The following PTPRK variants were observed in gnomAD, a reference collection of about 807,000 sequenced individuals.
The protein encoded by PTPRK is protein tyrosine phosphatase receptor type K, also known as receptor-type tyrosine-protein phosphatase kappa.
In PTPRK, 75 loss-of-function variants were observed where a neutral mutation model predicts 178.0. The observed-to-expected ratio is 0.42, with a 90% CI of 0.35 to 0.51. The LOEUF (loss-of-function observed/expected upper bound fraction) is 0.51, where lower values mean the gene tolerates loss of function less well. Among genes scored for constraint, PTPRK ranks in the 20% least tolerant of loss-of-function variants. PTPRK has a pLI of 0.02. For missense variants in PTPRK, 1,441 were observed against 1,797.8 expected (o/e 0.80, Z 3.59); for synonymous variants, 637 against 620.6 (o/e 1.03, Z -0.39).
At chr6:128,112,352 G>A (rs1790812294) in intron 7 of PTPRK, among the ~76,000 whole-genome samples, 1 of 152,030 alleles carries the variant, frequency 6.6e-6, no homozygotes, top group African/African-American at 2.4e-5. Context: ...GTTTCTTTAA[G>A]TGAATATTAT....
intron 3 of PTPRK, among the ~76,000 whole-genome samples, chr6:128,259,675 T>C (rs1817883288): frequency 6.6e-6 from 1 of 152,208 alleles, no homozygotes; most frequent in Admixed American, 6.5e-5. Flanking sequence ...ATTTCAAGTA[T>C]GTTTTAGAAG....
chr6:128,294,395 G>A (rs1823914576), intron 3 of PTPRK, among the ~76,000 whole-genome samples: 1 of 151,770 alleles, frequency 6.6e-6, no homozygotes, highest in East Asian at 1.9e-4. Context: ...TTTCTCCAGT[G>A]TACCCTGAAG....
chr6:128,389,194 G>C (rs574134928), intron 2 of PTPRK, among the ~76,000 whole-genome samples: 1 of 151,902 alleles, frequency 6.6e-6, no homozygotes. Context: ...AGGGAGTAGA[G>C]GTCTTTACAA....
At chr6:128,322,831 T>C (rs1410218935) in intron 2 of PTPRK, among the ~76,000 whole-genome samples, 1 of 152,100 alleles carries the variant, frequency 6.6e-6, no homozygotes, top group East Asian at 1.9e-4. Flanking sequence ...TGGAAAATCA[T>C]CATTTATACA....
chr6:128,263,192 A>C (rs1385205776), intron 3 of PTPRK, among the ~76,000 whole-genome samples: 1 of 152,176 alleles, frequency 6.6e-6, no homozygotes, highest in African/African-American at 2.4e-5. Context: ...ACTTCTGGAT[A>C]AATGCTTCAT....
intron 1 of PTPRK, among the ~76,000 whole-genome samples, chr6:128,505,664 G>C (rs1856234282): frequency 6.6e-6 from 1 of 152,132 alleles, no homozygotes; most frequent in Admixed American, 6.5e-5. Context: ...CATCTGGAGT[G>C]CACAAGTGTT....
chr6:128,498,006 C>G (rs1854977593), intron 1 of PTPRK, among the ~76,000 whole-genome samples: 1 of 151,964 alleles, frequency 6.6e-6, no homozygotes, highest in South Asian at 2.1e-4. Flanking sequence ...GATTTAGATA[C>G]TTTTCTATTA....
intron 29 of PTPRK, 117 bp from the exon 30 acceptor site, chr6:127,970,397 T>G: frequency 2.9e-6 from 2 of 686,446 alleles, no homozygotes; most frequent in Admixed American, 6.0e-5. Context: ...TACAATTTAT[T>G]TTTTCTATAT....
intron 1 of PTPRK, among the ~76,000 whole-genome samples, chr6:128,446,273 T>A (rs532983091): frequency 1.7e-3 from 258 of 152,302 alleles, no homozygotes; most frequent in Non-Finnish European, 2.6e-3. Context: ...TAATTAAATT[T>A]AATAGAAGCC....
Position 127,973,079 on chromosome 6 carries a change from A to G in PTPRK, c.4212T>C (p.Asp1404=). 6.2e-7 allele frequency: 1 copy of G among 1,614,156 alleles called. No individual in the cohort carries two copies. The highest frequency in any genetic ancestry group is 8.5e-7 in the Non-Finnish European group (1 of 1,179,984). Reference sequence around the variant, plus strand: ...TCAGTGTCTTTACTGCATGGAAAACATCGACAACATTTTGCCGTTTCACCA... The same window carrying G: ...TCAGTGTCTTTACTGCATGGAAAACGTCGACAACATTTTGCCGTTTCACCA... The part of the protein sequence containing the change: ...VEMVKRQNVV[D]VFHAVKTLRN... The change falls in exon 29 of 30, where the codon GAT becomes GAC. Residue 1404 remains aspartate, a synonymous_variant. Coordinates refer to ENST00000368226, the MANE Select transcript of PTPRK (RefSeq NM_002844.4).
chr6:128,227,089 T>C (rs1430905868), intron 5 of PTPRK, among the ~76,000 whole-genome samples: 3 of 152,152 alleles, frequency 2.0e-5, no homozygotes, highest in Non-Finnish European at 4.4e-5. Flanking sequence ...CCTAATCAAG[T>C]ATCTATGGAA....
rs551200546 is a variant in PTPRK at position 128,082,739 on chromosome 6, A to T, written c.1576-101T>A. ...GTAGTATGCAAGGGCATCCATGTGG[A>T]GTCAATGGTAATTTTTTTCTTCTTT... is the stretch of plus-strand genomic sequence containing the variant. On this transcript the variant is annotated intron_variant, in intron 9 of 29. Coordinates refer to ENST00000368226, the MANE Select transcript of PTPRK (RefSeq NM_002844.4). 6.2e-6 allele frequency: 5 copies of T among 801,342 alleles called. No individual in the cohort carries two copies. In the East Asian group the frequency reaches 1.4e-4, roughly 23 times the overall value. 49.6% of individuals were successfully genotyped at this position (801,342 alleles called of 1,614,324 possible).
chr6:127,973,574 A>T, intron 28 of PTPRK, 90 bp downstream of exon 28: 1 of 1,470,212 alleles, frequency 6.8e-7, no homozygotes, highest in Non-Finnish European at 9.3e-7. Flanking sequence ...TGGGAGGTCC[A>T]TAAGATGCAA....
At chr6:128,383,433 C>T (rs951700885) in intron 2 of PTPRK, among the ~76,000 whole-genome samples, 4 of 152,090 alleles carry the variant, frequency 2.6e-5, no homozygotes, top group African/African-American at 7.2e-5. Context: ...CATTCATCTA[C>T]GTTAAAAAGC....
At chr6:128,477,997 C>T (rs1851583414) in intron 1 of PTPRK, among the ~76,000 whole-genome samples, 1 of 152,066 alleles carries the variant, frequency 6.6e-6, no homozygotes, top group East Asian at 1.9e-4. Flanking sequence ...TGTAAAGATA[C>T]AATTTAAGTA....
intron 7 of PTPRK, 119 bp downstream of exon 7, chr6:128,184,313 C>T (rs1048466540): frequency 1.9e-6 from 2 of 1,042,148 alleles, no homozygotes; most frequent in Non-Finnish European, 2.8e-6. Flanking sequence ...TTCATTGGAA[C>T]TCTTAATAGT....
intron 3 of PTPRK, among the ~76,000 whole-genome samples, chr6:128,309,920 G>A (rs1295175532): frequency 6.6e-6 from 1 of 151,428 alleles, no homozygotes; most frequent in Non-Finnish European, 1.5e-5. Flanking sequence ...TTCTAGTAGA[G>A]GTAATAAGAT....
At chr6:128,326,921 T>C (rs539728228) in intron 2 of PTPRK, among the ~76,000 whole-genome samples, 5 of 152,200 alleles carry the variant, frequency 3.3e-5, no homozygotes, top group Admixed American at 1.3e-4. Context: ...AACACAAGCG[T>C]GTTTTTTAAA....
intron 1 of PTPRK, among the ~76,000 whole-genome samples, chr6:128,497,423 A>C (rs1348437115): frequency 6.6e-6 from 1 of 152,164 alleles, no homozygotes; most frequent in Non-Finnish European, 1.5e-5. Flanking sequence ...CATCCTGGGC[A>C]ACATAGGGAG....
Sources: gnomAD v4.1 joint callset for allele counts (sites outside exome capture counted in the v4.1 genomes callset) on GRCh38, gnomAD v4.1.1 for gene constraint, MANE v1.5 for transcripts, NCBI Gene and HGNC (gene_info 2026-07-23, HGNC 2026-07-21) for gene names.